CLTC: variants seen among roughly 807,000 people sequenced by gnomAD.
CLTC encodes clathrin heavy chain, also known as clathrin heavy chain 1.
A neutral mutation model predicts 195.8 loss-of-function variants in CLTC; 16 were observed. That is an observed-to-expected ratio of 0.08 (90% CI 0.06 to 0.12). CLTC has a LOEUF of 0.12. Ranked by LOEUF, CLTC falls within the 10% of genes least tolerant of loss-of-function variation. The pLI is 1.00. For synonymous variants in CLTC, 667 were observed against 689.4 expected (o/e 0.97, Z 0.51); for missense variants, 796 against 2,027.0 (o/e 0.39, Z 11.66).
intron 1 of CLTC, among the ~76,000 whole-genome samples, chr17:59,632,786 C>G (rs2031762051): frequency 6.6e-6 from 1 of 152,094 alleles, no homozygotes; most frequent in African/African-American, 2.4e-5. Context: ...TGGAAAGTGT[C>G]TTCACTTGTT....
In CLTC at chr17:59,682,900, A is replaced by T. The variant is rs1419148749; in HGVS notation, c.3766-7A>T. Reference sequence around the variant, plus strand: ...TTGAGTTCACAGAAAGGAAATGTTTATTCTAGGTCTGCTTCGCCTGTGTAG... The same window carrying T: ...TTGAGTTCACAGAAAGGAAATGTTTTTTCTAGGTCTGCTTCGCCTGTGTAG... On this transcript the variant is annotated splice_region_variant and splice_polypyrimidine_tract_variant and intron_variant, in intron 23 of 31. Transcript: ENST00000269122. This position sits in a 1 kb window ranked among gnomAD's most constrained non-coding sequence, Gnocchi z 6.8. 1 of 1,613,812 alleles carries T rather than the reference A, an allele frequency of 6.2e-7. No individual in the cohort carries two copies. Among genetic ancestry groups the T allele is most frequent in the South Asian group, 1.1e-5 (1 of 91,012 alleles).
At chr17:59,692,889 C>T (rs2033340028) in intron 31 of CLTC, among the ~76,000 whole-genome samples, 4 of 152,150 alleles carry the variant, frequency 2.6e-5, no homozygotes, top group Admixed American at 1.3e-4. Context: ...CCACCCTCCT[C>T]GGCCTCCCAC....
At position 59,685,068 on chromosome 17, in the gene CLTC, T is replaced by G. The variant is rs1295983630; in HGVS notation, c.4447T>G (p.Ser1483Ala). Reference sequence around the variant, plus strand: ...TTTTTTTTTTAAGGCTCTGCGAACATCAATAGATGCTTATGACAACTTTGA... The same window carrying G: ...TTTTTTTTTTAAGGCTCTGCGAACAGCAATAGATGCTTATGACAACTTTGA... Reference protein sequence around the residue: ...TEEDYQALRTSIDAYDNFDNI... With the variant: ...TEEDYQALRTAIDAYDNFDNI... Residue 1483 changes from serine (S) to alanine (A), a missense_variant, in exon 29 of 32, where the codon TCA (serine) becomes GCA (alanine). Ser to Ala is a moderately conservative substitution (Grantham distance 99). Transcript: ENST00000269122. The surrounding 1 kb of genome is among the most constrained non-coding windows in gnomAD (Gnocchi z 5.0). 2 of 1,581,342 alleles carry G rather than the reference T, an allele frequency of 1.3e-6. No individual in the cohort carries two copies. The highest frequency in any genetic ancestry group is 2.7e-5 in the African/African-American group (2 of 73,576).
chr17:59,683,545 T>G lies in CLTC; in HGVS notation c.4191+9T>G. 1 of 1,613,304 alleles carries G rather than the reference T, an allele frequency of 6.2e-7. No individual in the cohort carries two copies. The highest frequency in any genetic ancestry group is 8.5e-7 in the Non-Finnish European group (1 of 1,179,590). On this transcript the variant is annotated intron_variant, in intron 26 of 31. Coordinates refer to ENST00000269122, the MANE Select transcript of CLTC (RefSeq NM_004859.4). This position sits in a 1 kb window ranked among gnomAD's most constrained non-coding sequence, Gnocchi z 6.1. ...AAGATATCATTACCAAGGTGTGTAC[T>G]TTCTTCAGAAGATAAAGGATTCAGA...
chr17:59,624,990 A>G (rs2031503343), intron 1 of CLTC, among the ~76,000 whole-genome samples: 2 of 151,954 alleles, frequency 1.3e-5, no homozygotes, highest in Non-Finnish European at 1.5e-5. Context: ...TAAATTTAAT[A>G]TATTTTATTT....
chr17:59,660,732 C>G, intron 7 of CLTC, 144 bp downstream of exon 7: 1 of 775,544 alleles, frequency 1.3e-6, no homozygotes, highest in Non-Finnish European at 2.1e-6. Context: ...TAGTAGAATT[C>G]CTTGTCAATG....
chr17:59,650,483 CTTT>C (rs35425747), intron 4 of CLTC, among the ~76,000 whole-genome samples: 2 of 116,856 alleles, frequency 1.7e-5, no homozygotes, highest in African/African-American at 6.3e-5. Flanking sequence ...ATTCAGATGA[CTTT>C]TTTTTTTTTT....
intron 5 of CLTC, among the ~76,000 whole-genome samples, chr17:59,652,650 G>A (rs1319699535): frequency 6.6e-6 from 1 of 152,130 alleles, no homozygotes; most frequent in African/African-American, 2.4e-5. Flanking sequence ...TCAACAGTAG[G>A]CATAAAAAGA....
At chr17:59,621,043 G>A (rs764674870) in intron 1 of CLTC, among the ~76,000 whole-genome samples, 1 of 152,144 alleles carries the variant, frequency 6.6e-6, no homozygotes, top group Non-Finnish European at 1.5e-5. Context: ...CAGAGCCCTG[G>A]GGACAGCACA....
intron 8 of CLTC, among the ~76,000 whole-genome samples, chr17:59,661,930 C>T (rs978631073): frequency 3.3e-5 from 5 of 151,974 alleles, no homozygotes; most frequent in African/African-American, 9.7e-5. Flanking sequence ...TGGAGAAACC[C>T]CGTCTCTACT....
chr17:59,675,713 T>C (rs530294355), intron 16 of CLTC, among the ~76,000 whole-genome samples: 1 of 152,208 alleles, frequency 6.6e-6, no homozygotes, highest in Non-Finnish European at 1.5e-5. Flanking sequence ...TCTGAACCTA[T>C]TGAATCTATT....
chr17:59,638,402 AT>A (rs1322328585), intron 1 of CLTC, among the ~76,000 whole-genome samples: 2 of 152,190 alleles, frequency 1.3e-5, no homozygotes, highest in African/African-American at 4.8e-5. Flanking sequence ...TTGCATTCAC[AT>A]TAAATCTTCA....
At chr17:59,687,027 A>G in intron 30 of CLTC, 1 of 987,948 alleles carries the variant, frequency 1.0e-6, no homozygotes, top group East Asian at 1.1e-4. Flanking sequence ...AAAAGGTGAA[A>G]GTTGATTCTT....
At chr17:59,678,219 A>G (rs6503933) in intron 17 of CLTC, among the ~76,000 whole-genome samples, 118,089 of 152,082 alleles carry the variant, frequency 0.78, 46,803 homozygotes, top group East Asian at 0.93. Context: ...GGAAGCACGC[A>G]GTGTTCATTT....
At chr17:59,639,658 C>T (rs1056819889) in intron 1 of CLTC, among the ~76,000 whole-genome samples, 6 of 152,104 alleles carry the variant, frequency 3.9e-5, no homozygotes, top group Non-Finnish European at 8.8e-5. Flanking sequence ...TTTATCCATG[C>T]TTAGTTCCAT....
In CLTC at chr17:59,651,095, T is replaced by C. The variant is rs906618661; in HGVS notation, c.682-108T>C. On this transcript the variant is annotated intron_variant, in intron 4 of 31. Transcript: ENST00000269122. ...TGTAACCAAAACCATTTAACATTGATCTTCTGTAGAACATGTTGGTTGTTT... is the reference window on the plus strand; with the variant it reads ...TGTAACCAAAACCATTTAACATTGACCTTCTGTAGAACATGTTGGTTGTTT... 1.9e-5 allele frequency: 13 copies of C among 683,514 alleles called. 1 individual carries two copies. The Admixed American group carries it at 3.3e-4, about 17-fold the overall frequency. The allele number at this position is 683,514 out of a possible 1,614,324, so 42.3% of individuals were successfully genotyped here. A position where few individuals can be genotyped will look rare whatever the true frequency, so the allele number is the denominator to read the frequency against.
Position 59,681,604 on chromosome 17 carries a change from G to C in CLTC, c.3250-43G>C. The C allele has an allele frequency of 6.3e-7, 1 of 1,586,552 alleles. No homozygotes were observed. Among genetic ancestry groups the C allele is most frequent in the Non-Finnish European group, 8.6e-7 (1 of 1,162,352 alleles). Reference sequence around the variant, plus strand: ...GCTTAAATGTAATTGCTTTGGGTAGGATTGATTTTACTCTAACCCTAATTT... The same window carrying C: ...GCTTAAATGTAATTGCTTTGGGTAGCATTGATTTTACTCTAACCCTAATTT... On this transcript the variant is annotated intron_variant, in intron 20 of 31. Coordinates refer to ENST00000269122, the MANE Select transcript of CLTC (RefSeq NM_004859.4). The surrounding 1 kb of genome is among the most constrained non-coding windows in gnomAD (Gnocchi z 5.0).
chr17:59,691,648 T>C (rs1052607340), intron 31 of CLTC, among the ~76,000 whole-genome samples: 54 of 146,904 alleles, frequency 3.7e-4, no homozygotes, highest in African/African-American at 7.4e-4. Context: ...TATATATATA[T>C]ACATATATAT....
chr17:59,682,231 T>C lies in CLTC; in HGVS notation c.3443-40T>C. ...TACTTGGGTGAAAGATAAACTAGGA[T>C]GTTAGTGTTTGGATATATTTTTTCT... On this transcript the variant is annotated intron_variant, in intron 21 of 31. Coordinates refer to ENST00000269122, the MANE Select transcript of CLTC (RefSeq NM_004859.4). The surrounding 1 kb of genome is among the most constrained non-coding windows in gnomAD (Gnocchi z 6.8). The C allele has an allele frequency of 1.3e-6, 2 of 1,557,976 alleles. No individual in the cohort carries two copies. Among genetic ancestry groups the C allele is most frequent in the Non-Finnish European group, 1.8e-6 (2 of 1,140,358 alleles).
Sources: allele counts gnomAD v4.1 joint callset (sites outside exome capture counted in the v4.1 genomes callset), GRCh38; gene constraint gnomAD v4.1.1; non-coding constraint Gnocchi (gnomAD v3.1); transcripts MANE v1.5; gene names NCBI Gene and HGNC (gene_info 2026-07-23, HGNC 2026-07-21).